The following SPIDR variants were observed in gnomAD, a reference collection of about 807,000 sequenced individuals.
The protein encoded by SPIDR is scaffold protein involved in DNA repair.
In SPIDR, 93 loss-of-function variants were observed where a neutral mutation model predicts 104.6. That is an observed-to-expected ratio of 0.89 (90% CI 0.75 to 1.06). The LOEUF (loss-of-function observed/expected upper bound fraction) is 1.06, where lower values mean the gene tolerates loss of function less well. Ranked by LOEUF, SPIDR falls within the 50% of genes least tolerant of loss-of-function variation. The pLI is 0.00. For missense variants in SPIDR, 1,154 were observed against 1,111.2 expected (o/e 1.04, Z -0.55); for synonymous variants, 431 against 416.9 (o/e 1.03, Z -0.41).
chr8:47,735,111 G>GGTGTGTGTGTGTGTGTGTGTGTGGGT (rs2086038058), intron 19 of SPIDR, among the ~76,000 whole-genome samples, 196 bp from the exon 20 acceptor site: 2 of 135,182 alleles, frequency 1.5e-5, no homozygotes, highest in Non-Finnish European at 3.2e-5. Flanking sequence ...TGTGTGTGTG[G>GGTGTGTGTGTGTGTGTGTGTGTGGGT]GTGTGTGTGT....
intron 8 of SPIDR, among the ~76,000 whole-genome samples, chr8:47,482,231 C>T (rs922202660): frequency 6.6e-6 from 1 of 152,090 alleles, no homozygotes; most frequent in Admixed American, 6.5e-5. Context: ...TTTGGGATTC[C>T]TCAATCTCAT....
chr8:47,697,300 GA>G (rs1240361902), intron 11 of SPIDR, among the ~76,000 whole-genome samples: 1 of 150,320 alleles, frequency 6.7e-6, no homozygotes, highest in Non-Finnish European at 1.5e-5. Flanking sequence ...AAAAAAGAAA[GA>G]AAAAAGATAA....
At chr8:47,704,915 T>G (rs1412326821) in intron 14 of SPIDR, among the ~76,000 whole-genome samples, 1 of 152,222 alleles carries the variant, frequency 6.6e-6, no homozygotes, top group Non-Finnish European at 1.5e-5. Flanking sequence ...TTCACGCTCC[T>G]CTGCCTACCT....
intron 14 of SPIDR, among the ~76,000 whole-genome samples, chr8:47,702,270 C>G (rs1232291892): frequency 2.0e-5 from 3 of 152,182 alleles, no homozygotes; most frequent in African/African-American, 7.2e-5. Flanking sequence ...TTTACAGATG[C>G]AGACTACCAG....
chr8:47,408,085 C>A, intron 7 of SPIDR, 124 bp downstream of exon 7: 1 of 483,794 alleles, frequency 2.1e-6, no homozygotes. Flanking sequence ...TTTTTTCCAA[C>A]ATTCTAATTT....
chr8:47,588,673 TTCA>T (rs2060596023), intron 8 of SPIDR, among the ~76,000 whole-genome samples: 1 of 152,186 alleles, frequency 6.6e-6, no homozygotes, highest in East Asian at 1.9e-4. Context: ...CATCTACTCT[TTCA>T]TCATTAATTT....
At chr8:47,269,606 G>A (rs2034866099) in intron 1 of SPIDR, among the ~76,000 whole-genome samples, 1 of 151,018 alleles carries the variant, frequency 6.6e-6, no homozygotes, top group Middle Eastern at 3.2e-3. Flanking sequence ...AAAATACCAT[G>A]CTGTCTGTCA....
chr8:47,481,931 T>C (rs2076942637), intron 8 of SPIDR, among the ~76,000 whole-genome samples: 2 of 152,242 alleles, frequency 1.3e-5, no homozygotes, highest in South Asian at 4.1e-4. Flanking sequence ...GTTGATAATA[T>C]CACTTTTAAT....
intron 8 of SPIDR, among the ~76,000 whole-genome samples, chr8:47,520,910 C>T (rs2083962981): frequency 6.6e-6 from 1 of 152,156 alleles, no homozygotes; most frequent in Non-Finnish European, 1.5e-5. Flanking sequence ...GGATATGGCT[C>T]CAGAACTGTG....
chr8:47,551,568 A>C (rs942470309), intron 8 of SPIDR, among the ~76,000 whole-genome samples: 4 of 152,128 alleles, frequency 2.6e-5, no homozygotes, highest in Non-Finnish European at 4.4e-5. Context: ...AGAGGTGTTT[A>C]TAGTATTCTC....
At chr8:47,440,610 A>G (rs2069228705) in intron 8 of SPIDR, 68 bp downstream of exon 8, 2 of 1,488,752 alleles carry the variant, frequency 1.3e-6, no homozygotes, top group Non-Finnish European at 1.8e-6. Context: ...AGACATTTTT[A>G]TCAGTTACAT....
At chr8:47,407,218 G>A (rs2062874654) in intron 6 of SPIDR, among the ~76,000 whole-genome samples, 1 of 152,182 alleles carries the variant, frequency 6.6e-6, no homozygotes, top group African/African-American at 2.4e-5. Context: ...GTTATAAATT[G>A]TCTTTCTGCT....
chr8:47,414,378 A>C (rs993989846), intron 7 of SPIDR, among the ~76,000 whole-genome samples: 1 of 152,212 alleles, frequency 6.6e-6, no homozygotes, highest in African/African-American at 2.4e-5. Flanking sequence ...TGTTTGGCTC[A>C]AAACAAAAAC....
At chr8:47,433,637 T>G (rs1233626645) in intron 7 of SPIDR, among the ~76,000 whole-genome samples, 3 of 152,242 alleles carry the variant, frequency 2.0e-5, no homozygotes, top group African/African-American at 7.2e-5. Flanking sequence ...TCGTAAGAAT[T>G]ATTACAGTCA....
intron 8 of SPIDR, among the ~76,000 whole-genome samples, chr8:47,488,518 C>T (rs1554734041): frequency 6.6e-6 from 1 of 152,168 alleles, no homozygotes; most frequent in Non-Finnish European, 1.5e-5. Flanking sequence ...CAGTATCATC[C>T]TGATACCAAA....
intron 7 of SPIDR, among the ~76,000 whole-genome samples, chr8:47,425,834 A>G (rs1354516603): frequency 6.6e-6 from 1 of 152,198 alleles, no homozygotes; most frequent in Admixed American, 6.5e-5. Flanking sequence ...TGTCATGTTA[A>G]TATTTGCTTT....
intron 10 of SPIDR, among the ~76,000 whole-genome samples, chr8:47,627,509 G>A (rs2066370225): frequency 6.6e-6 from 1 of 152,100 alleles, no homozygotes; most frequent in Non-Finnish European, 1.5e-5. Context: ...TAATTTATCT[G>A]TGATATATAT....
At chr8:47,588,069 A>G (rs1233516072) in intron 8 of SPIDR, among the ~76,000 whole-genome samples, 3 of 101,016 alleles carry the variant, frequency 3.0e-5, no homozygotes, top group African/African-American at 4.2e-5. Context: ...ATATATATAT[A>G]TATATATATA....
chr8:47,389,281 T>A (rs564165967), intron 5 of SPIDR, among the ~76,000 whole-genome samples: 5 of 152,114 alleles, frequency 3.3e-5, no homozygotes, highest in Non-Finnish European at 7.4e-5. Context: ...TTTGCAAAAA[T>A]AGGAAAAATA....
Sources: allele counts gnomAD v4.1 joint callset (sites outside exome capture counted in the v4.1 genomes callset), GRCh38; gene constraint gnomAD v4.1.1; transcripts MANE v1.5; gene names NCBI Gene and HGNC (gene_info 2026-07-23, HGNC 2026-07-21).